The following RBFOX2 variants were observed in gnomAD, a reference collection of about 807,000 sequenced individuals.
RBFOX2 encodes the protein RNA binding protein fox-1 homolog 2.
RBFOX2 carries 10 observed loss-of-function variants against 49.1 expected under a neutral mutation model. The ratio of observed to expected loss-of-function variants is 0.20; its 90% confidence interval spans 0.13 to 0.35. RBFOX2 has a LOEUF of 0.35. Among genes scored for constraint, RBFOX2 ranks in the 10% least tolerant of loss-of-function variants. The pLI is 1.00. For synonymous variants in RBFOX2, 183 were observed against 187.4 expected, an observed-to-expected ratio of 0.98 and a Z score of 0.19; for missense variants, 323 against 486.9, an observed-to-expected ratio of 0.66 and a Z score of 3.17.
chr22:36,005,806 A>G (rs2058597536), intron 1 of RBFOX2, among the ~76,000 whole-genome samples: 1 of 152,248 alleles, frequency 6.6e-6, no homozygotes, highest in Admixed American at 6.5e-5. Flanking sequence ...CGTTTCTCAT[A>G]ACGTGTTCTA....
intron 1 of RBFOX2, among the ~76,000 whole-genome samples, chr22:35,921,245 CAT>C (rs1185952260): frequency 5.3e-5 from 8 of 152,340 alleles, no homozygotes; most frequent in African/African-American, 1.9e-4. Context: ...GTACTTGGCA[CAT>C]AGTCTTCCAT....
intron 6 of RBFOX2, among the ~76,000 whole-genome samples, chr22:35,763,015 A>G (rs2146405975): frequency 6.6e-6 from 1 of 152,286 alleles, no homozygotes; most frequent in South Asian, 2.1e-4. Context: ...GTAAGAACAC[A>G]AATATTCTGC....
At chr22:35,745,894 T>C (rs751747075) in intron 11 of RBFOX2, 29 bp downstream of exon 13, 68 of 1,584,174 alleles carry the variant, frequency 4.3e-5, no homozygotes, top group South Asian at 3.0e-4. Flanking sequence ...GAAATGGTTT[T>C]ATAAAGCAAT....
chr22:35,970,390 T>C (rs963453218), intron 1 of RBFOX2, among the ~76,000 whole-genome samples: 1 of 151,892 alleles, frequency 6.6e-6, no homozygotes, highest in Non-Finnish European at 1.5e-5. Flanking sequence ...GACTTATGCC[T>C]GAAATCTCAG....
chr22:36,028,312 G>C, exon 1 of RBFOX2: 2 of 1,518,782 alleles, frequency 1.3e-6, no homozygotes, highest in East Asian at 2.7e-5. Flanking sequence ...GATCGGCTCC[G>C]TCTCCTCCCG....
At chr22:35,865,307 A>G (rs918559677) in intron 1 of RBFOX2, among the ~76,000 whole-genome samples, 3 of 152,206 alleles carry the variant, frequency 2.0e-5, no homozygotes, top group African/African-American at 7.2e-5. Flanking sequence ...TCAACACCAT[A>G]TAACAGGATT....
chr22:35,774,450 A>T (rs1053629700), intron 4 of RBFOX2, among the ~76,000 whole-genome samples: 1 of 152,182 alleles, frequency 6.6e-6, no homozygotes, highest in African/African-American at 2.4e-5. Context: ...TTAAAAGCCT[A>T]GTCTATCTCT....
At chr22:36,005,638 T>G (rs1418594972) in intron 1 of RBFOX2, among the ~76,000 whole-genome samples, 1 of 152,216 alleles carries the variant, frequency 6.6e-6, no homozygotes, top group African/African-American at 2.4e-5. Flanking sequence ...CCACAGGTAC[T>G]AGTTCGTCGT....
intron 1 of RBFOX2, among the ~76,000 whole-genome samples, chr22:35,888,876 C>G (rs1240650626): frequency 6.6e-6 from 1 of 152,096 alleles, no homozygotes; most frequent in African/African-American, 2.4e-5. Flanking sequence ...AAATCTTGGC[C>G]GGGCACACTG....
chr22:35,843,607 T>C (rs1321997921), upstream of RBFOX2, among the ~76,000 whole-genome samples: 1 of 152,202 alleles, frequency 6.6e-6, no homozygotes, highest in East Asian at 1.9e-4. Context: ...CATTCCCTCC[T>C]TTGGGAAACT....
intron 1 of RBFOX2, among the ~76,000 whole-genome samples, chr22:35,991,292 G>A (rs373252178): frequency 6.6e-5 from 10 of 152,116 alleles, no homozygotes; most frequent in Non-Finnish European, 1.5e-4. Flanking sequence ...AGGAGCCACC[G>A]GAAGATCGGA....
At chr22:35,854,545 G>A (rs967566108) in intron 1 of RBFOX2, among the ~76,000 whole-genome samples, 2 of 151,320 alleles carry the variant, frequency 1.3e-5, no homozygotes, top group African/African-American at 4.9e-5. Flanking sequence ...AGTGAGTTAT[G>A]ATCATGCCAC....
chr22:35,941,247 T>C (rs2053657852), upstream of RBFOX2, among the ~76,000 whole-genome samples: 1 of 152,300 alleles, frequency 6.6e-6, no homozygotes, highest in South Asian at 2.1e-4. Context: ...TTCTGGATTC[T>C]ATAAATTTAC....
At chr22:36,003,805 TG>T (rs1319722598) in intron 1 of RBFOX2, among the ~76,000 whole-genome samples, 2 of 152,190 alleles carry the variant, frequency 1.3e-5, no homozygotes, top group Non-Finnish European at 2.9e-5. Flanking sequence ...GAAGAATAAA[TG>T]GATGTGCAGA....
At chr22:35,789,271 AG>A (rs1203165388) in intron 2 of RBFOX2, among the ~76,000 whole-genome samples, 2 of 152,170 alleles carry the variant, frequency 1.3e-5, no homozygotes, top group Non-Finnish European at 2.9e-5. Flanking sequence ...GGCCAGGTAG[AG>A]CGGCTCACAC....
chr22:35,795,412 GC>G (rs1948606699), intron 2 of RBFOX2, among the ~76,000 whole-genome samples: 1 of 151,886 alleles, frequency 6.6e-6, no homozygotes, highest in South Asian at 2.1e-4. Context: ...ATAGACTGTG[GC>G]CCCCCTTCTT....
At chr22:35,814,407 T>C (rs1181006147) in intron 1 of RBFOX2, among the ~76,000 whole-genome samples, 2 of 152,030 alleles carry the variant, frequency 1.3e-5, no homozygotes, top group East Asian at 3.9e-4. Flanking sequence ...TATGCTGTAG[T>C]GTTTAGAAAA....
intron 1 of RBFOX2, among the ~76,000 whole-genome samples, chr22:35,830,347 C>T (rs997508588): frequency 1.3e-5 from 2 of 152,154 alleles, no homozygotes; most frequent in African/African-American, 4.8e-5. Context: ...CTGTGTGAGA[C>T]AGGAAGATTT....
Position 35,777,842 on chromosome 22 carries a change from A to G in RBFOX2, c.453+183T>C, listed in dbSNP as rs1316877225. On this transcript the variant is annotated intron_variant, in intron 4 of 11. Transcript: ENST00000405409. ...TTCATCACCCTTCCACCCCCATATAAGTATCAGAATAAAGTTTGGCCATGT... is the reference window on the plus strand; with the variant it reads ...TTCATCACCCTTCCACCCCCATATAGGTATCAGAATAAAGTTTGGCCATGT... 4 of 607,352 alleles carry G rather than the reference A, an allele frequency of 6.6e-6. No homozygotes were observed. The Middle Eastern group carries it at 1.2e-3, about 187-fold the overall frequency. The allele number at this position is 607,352 out of a possible 1,614,324, so 37.6% of individuals were successfully genotyped here.
Sources: gnomAD v4.1 joint callset for allele counts (sites outside exome capture counted in the v4.1 genomes callset) on GRCh38, gnomAD v4.1.1 for gene constraint, MANE v1.5 for transcripts, NCBI Gene and HGNC (gene_info 2026-07-23, HGNC 2026-07-21) for gene names.